The following SGSM1 variants were observed in gnomAD, a reference collection of about 807,000 sequenced individuals.
SGSM1 encodes RUN and TBC1 domain containing 2.
In SGSM1, 73 loss-of-function variants were observed where a neutral mutation model predicts 133.8. That is an observed-to-expected ratio of 0.55 (90% CI 0.45 to 0.66). SGSM1 has a LOEUF of 0.66. Ranked by LOEUF, SGSM1 falls within the 30% of genes least tolerant of loss-of-function variation. SGSM1 has a pLI of 0.00. For missense variants in SGSM1, 1,213 were observed against 1,448.1 expected, an observed-to-expected ratio of 0.84 and a Z score of 2.64; for synonymous variants, 563 against 573.0, an observed-to-expected ratio of 0.98 and a Z score of 0.25.
At chr22:24,819,085 G>A (rs999204537) in intron 2 of SGSM1, among the ~76,000 whole-genome samples, 13 of 150,790 alleles carry the variant, frequency 8.6e-5, no homozygotes, top group African/African-American at 3.2e-4. Context: ...GGCGGAGCTT[G>A]CAGTGAGCAG....
intron 23 of SGSM1, among the ~76,000 whole-genome samples, chr22:24,918,659 C>T (rs1045939265): frequency 6.6e-6 from 1 of 152,088 alleles, no homozygotes; most frequent in Non-Finnish European, 1.5e-5. Flanking sequence ...CCCAGGCTCC[C>T]CTTGCCAGCA....
chr22:24,863,845 G>T (rs1235077061), intron 9 of SGSM1, among the ~76,000 whole-genome samples: 1 of 151,402 alleles, frequency 6.6e-6, no homozygotes, highest in East Asian at 2.0e-4. Context: ...AGGTTCAAGC[G>T]ATTTTCCTGC....
chr22:24,896,706 G>A (rs1311218479), intron 18 of SGSM1, among the ~76,000 whole-genome samples: 2 of 151,874 alleles, frequency 1.3e-5, no homozygotes, highest in Admixed American at 6.6e-5. Context: ...GCTGGGCACG[G>A]TGGCTCATGC....
In SGSM1 at chr22:24,871,114, T is replaced by C. The variant is rs187515608; in HGVS notation, c.1291+2259T>C. On this transcript the variant is annotated intron_variant, in intron 12 of 24. Coordinates refer to ENST00000400358, the MANE Select transcript of SGSM1 (RefSeq NM_001098497.3). Reference sequence around the variant, plus strand: ...TTGTAGGAGGTGGTCCTGTGCATTGTGGGATGTTGAGCACCCACTAGATGC... The same window carrying C: ...TTGTAGGAGGTGGTCCTGTGCATTGCGGGATGTTGAGCACCCACTAGATGC... Among the ~76,000 whole-genome samples, 298 of 152,336 alleles carry C rather than the reference T, an allele frequency of 2.0e-3. 2 individuals are homozygous for C. The highest frequency in any genetic ancestry group is 6.7e-3 in the African/African-American group (279 of 41,582).
chr22:24,907,933 A>AAAAAAG (rs60386136), intron 21 of SGSM1, among the ~76,000 whole-genome samples: 21,279 of 107,464 alleles, frequency 0.2, 3,551 homozygotes, highest in East Asian at 0.38. Flanking sequence ...AAAAAAAAAA[A>AAAAAAG]AAGATGTTGC....
chr22:24,815,638 A>C (rs180963734), intron 2 of SGSM1, among the ~76,000 whole-genome samples: 2 of 152,264 alleles, frequency 1.3e-5, no homozygotes, highest in African/African-American at 4.8e-5. Flanking sequence ...CCAGCTACTC[A>C]GGAGGCTGAG....
intron 12 of SGSM1, among the ~76,000 whole-genome samples, chr22:24,870,360 A>G (rs753825826): frequency 1.3e-5 from 2 of 152,224 alleles, no homozygotes; most frequent in African/African-American, 4.8e-5. Context: ...GAAGACCAAC[A>G]TTCATTAAGA....
chr22:24,845,075 T>G (rs1046272102), intron 3 of SGSM1, 103 bp downstream of exon 3: 9 of 1,102,944 alleles, frequency 8.2e-6, no homozygotes, highest in Non-Finnish European at 1.1e-5. Context: ...AAGTTAGTTT[T>G]GGATTCCAGA....
intron 16 of SGSM1, among the ~76,000 whole-genome samples, chr22:24,893,222 G>A (rs1429225415): frequency 6.6e-6 from 1 of 152,156 alleles, no homozygotes; most frequent in East Asian, 1.9e-4. Flanking sequence ...AGGAAGGAGG[G>A]AAATAAGGAA....
rs1437342168 is a variant in SGSM1 at position 24,881,439 on chromosome 22, G to T, written c.1495+1913G>T. Among the ~76,000 whole-genome samples, 4 of 150,834 alleles carry T rather than the reference G, an allele frequency of 2.7e-5. No individual in the cohort carries two copies. The South Asian group carries it at 8.4e-4, about 32-fold the overall frequency. On this transcript the variant is annotated intron_variant, in intron 14 of 24. Transcript: ENST00000400358. ...AAATTAGTCGGGTGTGGTGGTGGGC[G>T]CCTGTAGTCCCAGCTACTCAGGAGG...
chr22:24,925,366 AAG>A lies in SGSM1; in HGVS notation c.*1094_*1095del, dbSNP rs1310128660. On this transcript the variant is annotated 3_prime_UTR_variant, in exon 25 of 25. Coordinates refer to ENST00000400358, the MANE Select transcript of SGSM1 (RefSeq NM_001098497.3). ...TTCAAGACTCCATCTCAAAAAAAAA[AAG>A]AAAAGGCACACAAGAGTCCCTCACA... 3 of 152,116 alleles carry A rather than the reference AAG, an allele frequency of 2.0e-5. No homozygotes were observed. Among genetic ancestry groups the A allele is most frequent in the African/African-American group, 7.2e-5 (3 of 41,420 alleles). 9.4% of individuals were successfully genotyped at this position (152,116 alleles called of 1,614,324 possible).
At chr22:24,912,843 CTGGAT>C (rs1933684256) in intron 22 of SGSM1, 91 bp downstream of exon 22, 2 of 797,282 alleles carry the variant, frequency 2.5e-6, no homozygotes, top group African/African-American at 3.5e-5. Flanking sequence ...TAGAGCCCAC[CTGGAT>C]TGGAATCCAG....
intron 20 of SGSM1, among the ~76,000 whole-genome samples, chr22:24,904,464 C>T (rs1307972681): frequency 6.6e-6 from 1 of 151,738 alleles, no homozygotes; most frequent in Non-Finnish European, 1.5e-5. Context: ...CCTGTAGTCC[C>T]AGCTACTCGG....
At chr22:24,918,469 C>G (rs1479180158) in intron 23 of SGSM1, among the ~76,000 whole-genome samples, 1 of 144,846 alleles carries the variant, frequency 6.9e-6, no homozygotes, top group African/African-American at 2.6e-5. Context: ...GCACTCTAGC[C>G]TGGGTGACAG....
intron 4 of SGSM1, among the ~76,000 whole-genome samples, chr22:24,848,652 C>T (rs935992999): frequency 6.6e-6 from 1 of 152,216 alleles, no homozygotes; most frequent in South Asian, 2.1e-4. Context: ...GCAACAAATT[C>T]GGTGCTGGTG....
intron 24 of SGSM1, among the ~76,000 whole-genome samples, chr22:24,922,444 A>G (rs575141634): frequency 7.9e-6 from 1 of 126,596 alleles, no homozygotes; most frequent in Non-Finnish European, 1.7e-5. Flanking sequence ...CCTCCCAAAG[A>G]TCTGGGATTA....
rs539056322 is a variant in SGSM1, at chr22:24,885,665, G to C, written c.1642-935G>C. 5.6e-4 allele frequency among the ~76,000 whole-genome samples: 85 copies of C among 151,930 alleles called. 1 individual carries two copies. The highest frequency in any genetic ancestry group is 7.4e-4 in the Non-Finnish European group (50 of 67,922). On this transcript the variant is annotated intron_variant, in intron 15 of 24. Coordinates refer to ENST00000400358, the MANE Select transcript of SGSM1 (RefSeq NM_001098497.3). ...TCTGGAACTCCTGACCTCGTGATCC[G>C]CCTGCCTCGGTCTCCCAAAGTGCTG...
chr22:24,919,752 G>T (rs958046202), intron 23 of SGSM1, 74 bp from the exon 24 acceptor site: 2 of 1,570,110 alleles, frequency 1.3e-6, no homozygotes, highest in Non-Finnish European at 1.7e-6. Context: ...CCACCTTGGG[G>T]GGCTTCCCAA....
intron 2 of SGSM1, among the ~76,000 whole-genome samples, chr22:24,841,058 G>A (rs2330934): frequency 0.23 from 35,113 of 151,840 alleles, 4,543 homozygotes; most frequent in Admixed American, 0.28. Context: ...CACCGTGTTA[G>A]CCAAGATGGT....
Sources: allele counts gnomAD v4.1 joint callset (sites outside exome capture counted in the v4.1 genomes callset), GRCh38; gene constraint gnomAD v4.1.1; transcripts MANE v1.5; gene names NCBI Gene and HGNC (gene_info 2026-07-23, HGNC 2026-07-21).